The following ADAMTSL1 variants were observed in gnomAD, a reference collection of about 807,000 sequenced individuals.
ADAMTSL1 encodes the protein ADAMTS like 1.
A neutral mutation model predicts 201.8 loss-of-function variants in ADAMTSL1; 126 were observed. The ratio of observed to expected loss-of-function variants is 0.62; its 90% CI spans 0.54 to 0.72. ADAMTSL1 has a LOEUF of 0.72. Among genes scored for constraint, ADAMTSL1 ranks in the 30% least tolerant of loss-of-function variants. The probability of loss-of-function intolerance (pLI) is 0.00; values close to 1 mark genes in which losing one functional copy is unlikely to be tolerated. For synonymous variants in ADAMTSL1, 1,121 were observed against 903.4 expected, an observed-to-expected ratio of 1.24 and a Z score of -4.32; for missense variants, 2,679 against 2,277.8, an observed-to-expected ratio of 1.18 and a Z score of -3.59.
intron 1 of ADAMTSL1, among the ~76,000 whole-genome samples, chr9:18,077,139 C>G (rs184863114): frequency 4.0e-4 from 61 of 152,202 alleles, no homozygotes; most frequent in African/African-American, 1.3e-3. Context: ...TGGAATTTCT[C>G]ATGCCTGTGA....
chr9:17,941,638 C>T (rs1021589390), intron 1 of ADAMTSL1, among the ~76,000 whole-genome samples: 6 of 152,020 alleles, frequency 3.9e-5, no homozygotes, highest in African/African-American at 1.2e-4. Flanking sequence ...AGTATAGAGT[C>T]GGGGCAATAT....
At chr9:18,178,457 C>T (rs1231690205) in intron 2 of ADAMTSL1, among the ~76,000 whole-genome samples, 2 of 152,086 alleles carry the variant, frequency 1.3e-5, no homozygotes, top group Non-Finnish European at 2.9e-5. Flanking sequence ...GGGAGGGGCG[C>T]CCGCCATTGC....
Position 18,474,200 on chromosome 9 carries a change from G to T in ADAMTSL1, c.-33G>T. 1.2e-6 allele frequency: 2 copies of T among 1,611,454 alleles called. No individual in the cohort carries two copies. Among genetic ancestry groups the T allele is most frequent in the Non-Finnish European group, 8.5e-7 (1 of 1,177,746 alleles). ...AGAGGAGCACTTAGCAGCTTATTCA[G>T]TGTCCGATTCTGATTCCGGCAAGGA... On this transcript the variant is annotated 5_prime_UTR_variant, in exon 1 of 29. Transcript: ENST00000380548.
intron 13 of ADAMTSL1, among the ~76,000 whole-genome samples, chr9:18,695,585 G>T (rs1348453065): frequency 6.6e-6 from 1 of 152,090 alleles, no homozygotes; most frequent in Non-Finnish European, 1.5e-5. Context: ...CAAGTTCAAG[G>T]TTCAAGGTTC....
intron 1 of ADAMTSL1, among the ~76,000 whole-genome samples, chr9:18,059,639 G>A (rs991511454): frequency 1.3e-5 from 2 of 152,102 alleles, no homozygotes; most frequent in Non-Finnish European, 2.9e-5. Context: ...TAGGTTCAAG[G>A]ACTATGGATA....
At chr9:18,474,567 T>G (rs528729503) in intron 1 of ADAMTSL1, among the ~76,000 whole-genome samples, 1 of 152,254 alleles carries the variant, frequency 6.6e-6, no homozygotes, top group African/African-American at 2.4e-5. Flanking sequence ...ACATACTGCA[T>G]GGAGTTTGGG....
At chr9:18,701,399 T>C (rs1325733331) in intron 13 of ADAMTSL1, among the ~76,000 whole-genome samples, 1 of 152,068 alleles carries the variant, frequency 6.6e-6, no homozygotes, top group Non-Finnish European at 1.5e-5. Flanking sequence ...TCTGTATTTT[T>C]AGTAGAGACA....
intron 9 of ADAMTSL1, among the ~76,000 whole-genome samples, chr9:18,674,199 C>A: frequency 1.9e-5 from 1 of 53,390 alleles, no homozygotes; most frequent in South Asian, 6.2e-4. Flanking sequence ...CACACACAGG[C>A]ACACACACAC....
intron 4 of ADAMTSL1, among the ~76,000 whole-genome samples, chr9:18,593,003 T>C (rs1032099207): frequency 2.0e-5 from 3 of 152,198 alleles, no homozygotes; most frequent in African/African-American, 7.2e-5. Flanking sequence ...ACTTTCTTGA[T>C]ATCTTTTTCA....
In ADAMTSL1 at chr9:18,655,806, T is replaced by TAAAAAAAAAAAAAAAAAAA. The variant is rs56662538; in HGVS notation, c.835-1820_835-1802dup. Among the ~76,000 whole-genome samples the TAAAAAAAAAAAAAAAAAAA allele has an allele frequency of 5.4e-3, 438 of 81,826 alleles. 16 individuals are homozygous for TAAAAAAAAAAAAAAAAAAA. Among genetic ancestry groups the TAAAAAAAAAAAAAAAAAAA allele is most frequent in the Middle Eastern group, 7.8e-3 (1 of 128 alleles). 53.7% of individuals were successfully genotyped at this position (81,826 alleles called of 152,430 possible). On this transcript the variant is annotated intron_variant, in intron 7 of 28. Coordinates refer to ENST00000380548, the MANE Select transcript of ADAMTSL1 (RefSeq NM_001040272.6). ...AGAGAGCTAGAGGCTTTTGTGAGCT[T>TAAAAAAAAAAAAAAAAAAA]AAAAAAAAAAAAAAAAAAAAAAAAA... is the stretch of plus-strand genomic sequence containing the variant.
upstream of ADAMTSL1, among the ~76,000 whole-genome samples, chr9:18,470,449 C>G (rs1212259849): frequency 6.6e-6 from 1 of 152,168 alleles, no homozygotes. Flanking sequence ...CCAGGGAAAT[C>G]GAACTTCACT....
At chr9:18,102,655 T>G (rs755206138) in intron 1 of ADAMTSL1, among the ~76,000 whole-genome samples, 5 of 152,164 alleles carry the variant, frequency 3.3e-5, no homozygotes, top group African/African-American at 4.8e-5. Flanking sequence ...GGCTGGTTTG[T>G]GCAAAGGTAC....
chr9:18,591,406 C>A (rs1823905691), intron 4 of ADAMTSL1, among the ~76,000 whole-genome samples: 1 of 151,946 alleles, frequency 6.6e-6, no homozygotes, highest in African/African-American at 2.4e-5. Context: ...GTTTGTGTGC[C>A]CTTATAGGTG....
rs948399900 is a variant in ADAMTSL1 at position 17,949,175 on chromosome 9, T to C, written c.87+42253T>C. Among the ~76,000 whole-genome samples the C allele has an allele frequency of 5.9e-5, 9 of 152,238 alleles. 1 individual carries two copies. Among genetic ancestry groups the C allele is most frequent in the Admixed American group, 3.9e-4 (6 of 15,278 alleles). On this transcript the variant is annotated intron_variant, in intron 1 of 29. Transcript: ENST00000680146. Reference sequence around the variant, plus strand: ...ACATAAAGCCTCCACGTGTATGTTGTATGCAAGATAATTACATAAGAGGTT... The same window carrying C: ...ACATAAAGCCTCCACGTGTATGTTGCATGCAAGATAATTACATAAGAGGTT...
intron 9 of ADAMTSL1, among the ~76,000 whole-genome samples, chr9:18,668,785 C>T (rs879695759): frequency 1.3e-5 from 2 of 152,204 alleles, no homozygotes; most frequent in Non-Finnish European, 2.9e-5. Context: ...CCCAATGTCA[C>T]TTCTGTTTGA....
At chr9:18,600,093 C>T (rs901125475) in intron 4 of ADAMTSL1, among the ~76,000 whole-genome samples, 3 of 151,768 alleles carry the variant, frequency 2.0e-5, no homozygotes, top group South Asian at 2.1e-4. Flanking sequence ...ACACTGCTGC[C>T]TTGAGATGCT....
chr9:18,864,278 GGA>G (rs1168821061), intron 23 of ADAMTSL1, among the ~76,000 whole-genome samples: 4 of 152,142 alleles, frequency 2.6e-5, no homozygotes, highest in Non-Finnish European at 4.4e-5. Context: ...CTGTTTGGCT[GGA>G]GAGGGGGAAG....
intron 2 of ADAMTSL1, among the ~76,000 whole-genome samples, chr9:18,446,562 G>C (rs137896412): frequency 6.6e-6 from 1 of 152,238 alleles, no homozygotes; most frequent in African/African-American, 2.4e-5. Context: ...TAATGTGAAC[G>C]TGCAGAAACT....
intron 15 of ADAMTSL1, among the ~76,000 whole-genome samples, chr9:18,743,887 C>T (rs551511006): frequency 1.3e-5 from 2 of 152,270 alleles, no homozygotes; most frequent in South Asian, 2.1e-4. Context: ...CATCTGTGAT[C>T]GCTGGGTATA....
Sources: gnomAD v4.1 joint callset for allele counts (sites outside exome capture counted in the v4.1 genomes callset) on GRCh38, gnomAD v4.1.1 for gene constraint, MANE v1.5 for transcripts, NCBI Gene and HGNC (gene_info 2026-07-23, HGNC 2026-07-21) for gene names.